Variants in STPG2 observed in about 807,000 individuals in gnomAD.
STPG2 encodes the protein sperm-tail PG-rich repeat-containing protein 2.
In STPG2, 56 loss-of-function variants were observed where a neutral mutation model predicts 54.2. The ratio of observed to expected loss-of-function variants is 1.03; its 90% CI spans 0.83 to 1.29. STPG2 has a LOEUF of 1.29. Among genes scored for constraint, STPG2 ranks in the 50% most tolerant of loss-of-function variants. STPG2 has a pLI of 0.00. For missense variants in STPG2, 596 were observed against 544.9 expected (o/e 1.09, Z -0.93); for synonymous variants, 200 against 181.8 (o/e 1.10, Z -0.81).
intron 4 of STPG2, among the ~76,000 whole-genome samples, chr4:97,506,901 G>C (rs1198257713): frequency 6.6e-6 from 1 of 151,876 alleles, no homozygotes; most frequent in Non-Finnish European, 1.5e-5. Flanking sequence ...TAATACAAAG[G>C]AGAATGTAAA....
At chr4:98,021,114 G>T (rs183544673) in intron 5 of STPG2, among the ~76,000 whole-genome samples, 3 of 151,500 alleles carry the variant, frequency 2.0e-5, no homozygotes, top group Non-Finnish European at 4.4e-5. Flanking sequence ...TGATGTTAGG[G>T]TGTCAATTTT....
At chr4:97,827,539 C>T (rs919520376) in intron 9 of STPG2, among the ~76,000 whole-genome samples, 1 of 152,116 alleles carries the variant, frequency 6.6e-6, no homozygotes, top group Non-Finnish European at 1.5e-5. Context: ...CCGGCCTAGA[C>T]AGCTTTTAAC....
At chr4:97,472,828 C>T (rs182195824) in intron 4 of STPG2, among the ~76,000 whole-genome samples, 49 of 152,186 alleles carry the variant, frequency 3.2e-4, no homozygotes, top group Admixed American at 6.5e-4. Flanking sequence ...TTGGTTGTTG[C>T]GGGAAGTCAG....
intron 8 of STPG2, among the ~76,000 whole-genome samples, chr4:97,939,798 A>C (rs929869726): frequency 1.3e-5 from 2 of 152,162 alleles, no homozygotes; most frequent in African/African-American, 4.8e-5. Flanking sequence ...TAGTCCATTT[A>C]CATTCAAAGT....
chr4:97,480,197 T>C (rs961236922), intron 4 of STPG2, among the ~76,000 whole-genome samples: 2 of 151,714 alleles, frequency 1.3e-5, no homozygotes, highest in African/African-American at 4.8e-5. Context: ...ATATAAAAGA[T>C]AGACAAATTC....
At chr4:98,107,302 A>C (rs1044403093) in intron 4 of STPG2, among the ~76,000 whole-genome samples, 1 of 151,800 alleles carries the variant, frequency 6.6e-6, no homozygotes, top group Non-Finnish European at 1.5e-5. Context: ...CAAAAAGTCT[A>C]AGAAAGAAAA....
chr4:97,640,386 A>G (rs1256658754), intron 10 of STPG2, among the ~76,000 whole-genome samples: 3 of 152,128 alleles, frequency 2.0e-5, no homozygotes, highest in Admixed American at 6.6e-5. Context: ...CCTAACTTTA[A>G]AGGACTAATT....
At chr4:97,958,319 G>C (rs962567443) in intron 7 of STPG2, among the ~76,000 whole-genome samples, 2 of 146,940 alleles carry the variant, frequency 1.4e-5, no homozygotes, top group Non-Finnish European at 3.0e-5. Context: ...CAAAAAAAAA[G>C]AAAAGTAAAG....
intron 8 of STPG2, among the ~76,000 whole-genome samples, chr4:97,903,938 C>T (rs910712825): frequency 2.6e-5 from 4 of 152,216 alleles, no homozygotes; most frequent in Admixed American, 6.5e-5. Flanking sequence ...GCACCTGGCT[C>T]AGAGAGTCCT....
intron 10 of STPG2, among the ~76,000 whole-genome samples, chr4:97,610,951 A>G (rs1181027671): frequency 6.6e-6 from 1 of 152,070 alleles, no homozygotes; most frequent in Non-Finnish European, 1.5e-5. Context: ...TAGGTGAAAT[A>G]TTTTTCCATT....
At chr4:97,802,726 C>T (rs1727437223) in intron 9 of STPG2, among the ~76,000 whole-genome samples, 1 of 152,118 alleles carries the variant, frequency 6.6e-6, no homozygotes, top group South Asian at 2.1e-4. Context: ...GCACCTCAGC[C>T]TCCCAAATTG....
intron 8 of STPG2, among the ~76,000 whole-genome samples, chr4:97,934,058 T>C (rs1732654321): frequency 6.6e-6 from 1 of 152,200 alleles, no homozygotes; most frequent in East Asian, 1.9e-4. Context: ...GGTTTGTAGT[T>C]CTCCTAAAGA....
intron 8 of STPG2, chr4:97,916,912 C>T (rs1731900215): frequency 6.5e-6 from 1 of 152,916 alleles, no homozygotes; most frequent in African/African-American, 2.4e-5. Context: ...AACAATTTCT[C>T]CAGGTTGGGT....
At chr4:98,018,700 G>A (rs1465543022) in intron 5 of STPG2, among the ~76,000 whole-genome samples, 1 of 150,932 alleles carries the variant, frequency 6.6e-6, no homozygotes, top group Non-Finnish European at 1.5e-5. Context: ...ACTTTTGAAT[G>A]ACTGCCATTC....
At chr4:97,891,380 G>A (rs1035136968) in intron 8 of STPG2, among the ~76,000 whole-genome samples, 3 of 151,966 alleles carry the variant, frequency 2.0e-5, no homozygotes, top group African/African-American at 4.8e-5. Context: ...AAGGTTATGA[G>A]AGAACTTTGT....
chr4:97,684,179 T>C (rs577863612), intron 10 of STPG2, among the ~76,000 whole-genome samples: 2 of 152,014 alleles, frequency 1.3e-5, no homozygotes, highest in East Asian at 1.9e-4. Flanking sequence ...CCCAATTTGA[T>C]CTATAGATAC....
rs552672365 is a variant in STPG2 at position 97,742,146 on chromosome 4, T to C, written c.1205-29332A>G. ...ACCAAACACCGCATATTCTCACTCA[T>C]AGGTGGGAATTGAACAATGAGAACA... On this transcript the variant is annotated intron_variant, in intron 9 of 10. Transcript: ENST00000295268. 1.1e-4 allele frequency among the ~76,000 whole-genome samples: 16 copies of C among 151,680 alleles called. No individual in the cohort carries two copies. The South Asian group carries it at 3.3e-3, about 32-fold the overall frequency.
At chr4:98,142,358 T>C (rs1318206507) in intron 1 of STPG2, among the ~76,000 whole-genome samples, 6 of 152,076 alleles carry the variant, frequency 3.9e-5, no homozygotes, top group African/African-American at 1.4e-4. Flanking sequence ...CTCCAGAAAA[T>C]CACCAGAATA....
chr4:97,686,938 ATTAT>A (rs1222162879), intron 10 of STPG2, among the ~76,000 whole-genome samples: 14 of 146,906 alleles, frequency 9.5e-5, no homozygotes, highest in South Asian at 2.2e-4. Context: ...TATTATTATT[ATTAT>A]TTTTTTTTTT....
Sources: gnomAD v4.1 joint callset for allele counts (sites outside exome capture counted in the v4.1 genomes callset) on GRCh38, gnomAD v4.1.1 for gene constraint, MANE v1.5 for transcripts, NCBI Gene and HGNC (gene_info 2026-07-23, HGNC 2026-07-21) for gene names.